Variants in APC observed in about 807,000 individuals in gnomAD.
APC encodes the protein APC regulator of Wnt signaling pathway, also known as adenomatous polyposis coli protein.
APC carries 72 observed loss-of-function variants against 247.0 expected under a neutral mutation model. The observed-to-expected ratio is 0.29, with a 90% CI of 0.24 to 0.35. APC has a LOEUF of 0.35. Ranked by LOEUF, APC falls within the 10% of genes least tolerant of loss-of-function variation. APC has a pLI of 1.00. For synonymous variants in APC, 1,254 were observed against 1,162.5 expected, an observed-to-expected ratio of 1.08 and a Z score of -1.60; for missense variants, 3,400 against 3,360.7, an observed-to-expected ratio of 1.01 and a Z score of -0.29.
At chr5:112,804,412 C>G (rs895126443) in intron 8 of APC, among the ~76,000 whole-genome samples, 3 of 152,032 alleles carry the variant, frequency 2.0e-5, no homozygotes, top group African/African-American at 7.3e-5. Flanking sequence ...GAGACAGAGT[C>G]TCGCTCTGTC....
chr5:112,780,658 A>G (rs780661345), intron 5 of APC, 132 bp from the exon 6 acceptor site: 9 of 659,462 alleles, frequency 1.4e-5, no homozygotes, highest in Non-Finnish European at 2.2e-5. Context: ...GGAGTAAAAA[A>G]TAATTTTCTC....
intron 5 of APC, chr5:112,778,223 C>G (rs566646617): frequency 4.1e-4 from 71 of 173,552 alleles, no homozygotes; most frequent in African/African-American, 1.6e-3. Context: ...TGATATTCAC[C>G]ACCTCCAAGC....
intron 9 of APC, 108 bp from the exon 10 acceptor site, chr5:112,818,858 G>GTTT: frequency 2.8e-4 from 281 of 995,114 alleles, no homozygotes; most frequent in South Asian, 1.2e-3. Flanking sequence ...GGGGGGGGTT[G>GTTT]TTTTGTTTTT....
chr5:112,789,517 A>C (rs1178917034), intron 6 of APC, among the ~76,000 whole-genome samples: 5 of 152,222 alleles, frequency 3.3e-5, no homozygotes, highest in Admixed American at 2.6e-4. Flanking sequence ...AGATACTGGC[A>C]ATATGGAAAT....
chr5:112,844,329 G>C lies in APC; in HGVS notation c.*203G>C, dbSNP rs1016660872. 1.7e-6 allele frequency: 1 copy of C among 580,550 alleles called. No homozygotes were observed. The highest frequency in any genetic ancestry group is 3.0e-6 in the Non-Finnish European group (1 of 335,058). The allele number at this position is 580,550 out of a possible 1,614,324, so 36.0% of individuals were successfully genotyped here. On this transcript the variant is annotated 3_prime_UTR_variant, in exon 16 of 16. Coordinates refer to ENST00000257430, the MANE Select transcript of APC (RefSeq NM_000038.6). The stretch of plus-strand genomic sequence containing the variant: ...TTTTGGGAGGCACTCTTGATGGTTA[G>C]GAAAAAAATAGTAAAGCCAAGTATG...
chr5:112,792,393 T>C (rs2149683713), intron 6 of APC, 53 bp from the exon 7 acceptor site: 1 of 1,213,230 alleles, frequency 8.2e-7, no homozygotes, highest in Non-Finnish European at 1.2e-6. Flanking sequence ...TGATTATTTC[T>C]ATTAATATTA....
At chr5:112,799,532 T>C (rs1580448887) in intron 7 of APC, among the ~76,000 whole-genome samples, 6 of 152,256 alleles carry the variant, frequency 3.9e-5, no homozygotes, top group African/African-American at 1.4e-4. Context: ...ATTAGCCTCC[T>C]AACTGGTCTT....
chr5:112,729,944 C>T (rs1752011717), intron 1 of APC, among the ~76,000 whole-genome samples: 1 of 152,142 alleles, frequency 6.6e-6, no homozygotes, highest in Non-Finnish European at 1.5e-5. Context: ...ATTTATTTTG[C>T]CTTTACTAAT....
In APC at chr5:112,839,109, A is replaced by G. The variant is rs1024630299; in HGVS notation, c.3515A>G (p.His1172Arg). ...YSIKYNEEKR[H>R]VDQPIDYSLK... ...ATAAAATATAATGAAGAGAAACGTCATGTGGATCAGCCTATTGATTATAGT... is the reference window on the plus strand; with the variant it reads ...ATAAAATATAATGAAGAGAAACGTCGTGTGGATCAGCCTATTGATTATAGT... Residue 1172 changes from histidine (H) to arginine (R), a missense_variant, in exon 16 of 16, where the codon CAT becomes CGT. By Grantham distance (29) the His-to-Arg change is conservative (BLOSUM62 0). Around this residue, in one of 9 missense-constraint regions of APC, gnomAD observed 715 missense variants for 656.6 expected, o/e 1.09. Coordinates refer to ENST00000257430, the MANE Select transcript of APC (RefSeq NM_000038.6). The surrounding 1 kb of genome is among the most constrained non-coding windows in gnomAD (Gnocchi z 5.0). The G allele has an allele frequency of 6.2e-7, 1 of 1,614,150 alleles. No homozygotes were observed. The highest frequency in any genetic ancestry group is 8.5e-7 in the Non-Finnish European group (1 of 1,180,018).
chr5:112,797,255 C>G lies in APC; in HGVS notation c.730-4024C>G, dbSNP rs1340351173. On this transcript the variant is annotated intron_variant, in intron 7 of 15. Coordinates refer to ENST00000257430, the MANE Select transcript of APC (RefSeq NM_000038.6). The stretch of plus-strand genomic sequence containing the variant: ...ATTTCACATTTAAGAAAGAACAAAA[C>G]CACTTTTTACAATTTTGCCGTTTGT... 2.0e-5 allele frequency among the ~76,000 whole-genome samples: 3 copies of G among 151,378 alleles called. No homozygotes were observed. The South Asian group carries it at 6.2e-4, about 31-fold the overall frequency.
rs1229661225 is a variant in APC, at chr5:112,843,329, G to A, written c.7735G>A (p.Glu2579Lys). Residue 2579 changes from glutamate to lysine, a missense_variant, in exon 16 of 16, where the codon GAA becomes AAA. Physicochemically the swap from Glu to Lys is moderately conservative, Grantham distance 56 (BLOSUM62 1). This residue lies in a region of APC where 1,788 missense variants were observed against 1,649.5 expected (regional missense o/e 1.08). Coordinates refer to ENST00000257430, the MANE Select transcript of APC (RefSeq NM_000038.6). This position sits in a 1 kb window ranked among gnomAD's most constrained non-coding sequence, Gnocchi z 4.8. ...SSSSILSASS[E>K]SSEKAKSEDE... ...ATCTTCAATTCTTTCTGCTTCATCA[G>A]AATCCAGTGAAAAAGCAAAAAGTGA... The A allele has an allele frequency of 6.2e-7, 1 of 1,613,750 alleles. No homozygotes were observed. Among genetic ancestry groups the A allele is most frequent in the Non-Finnish European group, 8.5e-7 (1 of 1,179,774 alleles).
At chr5:112,736,799 A>G (rs1196751999), upstream of APC, among the ~76,000 whole-genome samples, 2 of 152,182 alleles carry the variant, frequency 1.3e-5, no homozygotes, top group Non-Finnish European at 2.9e-5. Context: ...CTGTAGTCCC[A>G]GCTACTTGGG....
At chr5:112,778,948 A>C (rs747929893) in intron 5 of APC, among the ~76,000 whole-genome samples, 6 of 152,318 alleles carry the variant, frequency 3.9e-5, no homozygotes, top group Admixed American at 1.3e-4. Context: ...AATAGACAAA[A>C]AGGTAAAAAC....
chr5:112,753,847 A>G lies in APC; in HGVS notation c.-18-1026A>G, dbSNP rs114509057. Among the ~76,000 whole-genome samples the G allele has an allele frequency of 7.4e-3, 1,132 of 152,310 alleles. 18 individuals carry two copies. Among genetic ancestry groups the G allele is most frequent in the African/African-American group, 0.026 (1,062 of 41,572 alleles). On this transcript the variant is annotated intron_variant, in intron 1 of 15. Transcript: ENST00000257430. ...TGTCAAGATGTTTAAGTATTGCTTA[A>G]GTGCAAACTACTTAATACTTTTTAG... is the stretch of plus-strand genomic sequence containing the variant.
At chr5:112,817,670 G>T (rs539316471) in intron 9 of APC, among the ~76,000 whole-genome samples, 1 of 152,260 alleles carries the variant, frequency 6.6e-6, no homozygotes, top group South Asian at 2.1e-4. Context: ...AGTAATTTAT[G>T]CATGATAATA....
At chr5:112,712,240 G>T (rs1399315217) in intron 1 of APC, among the ~76,000 whole-genome samples, 1 of 134,360 alleles carries the variant, frequency 7.4e-6, no homozygotes, top group Non-Finnish European at 1.7e-5. Flanking sequence ...ATTTCTGTGG[G>T]GCTGTTTCTT....
At position 112,840,358 on chromosome 5, in the gene APC, A is replaced by T. The variant is rs1554086165; in HGVS notation, c.4764A>T (p.Ser1588=). The change falls in exon 16 of 16, where the codon TCA becomes TCT. Residue 1588 remains serine (S), a synonymous_variant. Transcript: ENST00000257430. The surrounding 1 kb of genome is among the most constrained non-coding windows in gnomAD (Gnocchi z 4.1). ...CIISAMPTKS[S]RKAKKPAQTA... ...TTTCTGCCATGCCAACAAAGTCATC[A>T]CGTAAAGCAAAAAAGCCAGCCCAGA... 1 of 1,614,240 alleles carries T rather than the reference A, an allele frequency of 6.2e-7. No individual in the cohort carries two copies.
intron 1 of APC, among the ~76,000 whole-genome samples, chr5:112,724,126 G>A (rs1751636336): frequency 6.6e-6 from 1 of 152,094 alleles, no homozygotes; most frequent in Non-Finnish European, 1.5e-5. Flanking sequence ...AAATAAATCA[G>A]AAGTGAGCAG....
chr5:112,819,086 T>A lies in APC; in HGVS notation c.1054T>A (p.Cys352Ser), dbSNP rs2149780502. 1 of 1,614,156 alleles carries A rather than the reference T, an allele frequency of 6.2e-7. No individual in the cohort carries two copies. Among genetic ancestry groups the A allele is most frequent in the Non-Finnish European group, 8.5e-7 (1 of 1,179,996 alleles). Reference sequence around the variant, plus strand: ...CTGTATATCCATGCGACAGTCTGGATGTCTTCCTCTCCTCATCCAGCTTTT... The same window carrying A: ...CTGTATATCCATGCGACAGTCTGGAAGTCTTCCTCTCCTCATCCAGCTTTT... Reference protein sequence around the residue: ...DSCISMRQSGCLPLLIQLLHG... With the variant: ...DSCISMRQSGSLPLLIQLLHG... Residue 352 changes from cysteine to serine, a missense_variant, in exon 10 of 16, where the codon TGT becomes AGT. Physicochemically the swap from Cys to Ser is moderately radical, Grantham distance 112 (BLOSUM62 -1). Around this residue, in one of 9 missense-constraint regions of APC, gnomAD observed 199 missense variants for 212.5 expected, o/e 0.94. Transcript: ENST00000257430.
Sources: allele counts gnomAD v4.1 joint callset (sites outside exome capture counted in the v4.1 genomes callset), GRCh38; gene constraint gnomAD v4.1.1; regional missense constraint gnomAD v4.1.1; non-coding constraint Gnocchi (gnomAD v3.1); transcripts MANE v1.5; gene names NCBI Gene and HGNC (gene_info 2026-07-23, HGNC 2026-07-21).